LARS2: variants seen among roughly 807,000 people sequenced by gnomAD.
LARS2 encodes leucine--tRNA ligase, mitochondrial.
A neutral mutation model predicts 116.6 loss-of-function variants in LARS2; 81 were observed. The observed-to-expected ratio is 0.69, with a 90% CI of 0.58 to 0.84. LARS2 has a LOEUF of 0.84. Ranked by LOEUF, LARS2 falls within the 40% of genes least tolerant of loss-of-function variation. The probability of loss-of-function intolerance (pLI) is 0.00; values close to 1 mark genes in which losing one functional copy is unlikely to be tolerated. For missense variants in LARS2, 968 were observed against 1,114.5 expected (o/e 0.87, Z 1.87); for synonymous variants, 396 against 407.2 (o/e 0.97, Z 0.33).
intron 21 of LARS2, among the ~76,000 whole-genome samples, chr3:45,545,379 G>T (rs1700860832): frequency 6.6e-6 from 1 of 152,238 alleles, no homozygotes; most frequent in African/African-American, 2.4e-5. Context: ...AAAGATGGAG[G>T]TGCAAGAGCC....
intron 15 of LARS2, among the ~76,000 whole-genome samples, chr3:45,506,015 C>T (rs1048096999): frequency 3.3e-5 from 5 of 152,054 alleles, no homozygotes; most frequent in African/African-American, 7.2e-5. Context: ...TGCAGATCCT[C>T]CAGGTAACAC....
intron 3 of LARS2, among the ~76,000 whole-genome samples, chr3:45,397,746 A>G (rs1056607734): frequency 4.6e-5 from 7 of 152,252 alleles, no homozygotes; most frequent in African/African-American, 1.7e-4. Flanking sequence ...AGAATAAGCC[A>G]TAAGCCTAAT....
chr3:45,431,392 A>G (rs900585710), intron 6 of LARS2, among the ~76,000 whole-genome samples: 2 of 152,252 alleles, frequency 1.3e-5, no homozygotes, highest in African/African-American at 4.8e-5. Context: ...TATTCTTGCA[A>G]CTTTGGTTTG....
At chr3:45,437,977 A>C (rs190623378) in intron 6 of LARS2, among the ~76,000 whole-genome samples, 73 of 152,296 alleles carry the variant, frequency 4.8e-4, no homozygotes, top group Middle Eastern at 3.4e-3. Context: ...TATGGAAAGA[A>C]AAAAAGGTAG....
At chr3:45,466,525 G>A (rs2125714127) in intron 8 of LARS2, among the ~76,000 whole-genome samples, 1 of 152,240 alleles carries the variant, frequency 6.6e-6, no homozygotes, top group South Asian at 2.1e-4. Context: ...TGAATAAGGT[G>A]TTGCGTTATT....
In LARS2 at chr3:45,525,528, A is replaced by G. The variant is rs571924338; in HGVS notation, c.2404+1420A>G. Among the ~76,000 whole-genome samples, 5 of 152,332 alleles carry G rather than the reference A, an allele frequency of 3.3e-5. No individual in the cohort carries two copies. In the South Asian group the frequency reaches 1.0e-3, roughly 32 times the overall value. On this transcript the variant is annotated intron_variant, in intron 20 of 21. Coordinates refer to ENST00000645846, the MANE Select transcript of LARS2 (RefSeq NM_015340.4). ...CTGACTCTGAAGTTTCCTTTGGTTC[A>G]TTCTTTGCTGCTTGCAAGACTGAAT...
At chr3:45,466,629 G>GC (rs1699430249) in intron 8 of LARS2, among the ~76,000 whole-genome samples, 1 of 152,072 alleles carries the variant, frequency 6.6e-6, no homozygotes, top group Admixed American at 6.6e-5. Flanking sequence ...TGCTGACCCA[G>GC]CCCACATCTT....
intron 4 of LARS2, among the ~76,000 whole-genome samples, chr3:45,408,653 A>G (rs1363564512): frequency 6.6e-6 from 1 of 152,122 alleles, no homozygotes; most frequent in Admixed American, 6.6e-5. Flanking sequence ...ATCTAGTTCC[A>G]TCTGGGCAGT....
At chr3:45,446,007 G>A (rs533761083) in intron 6 of LARS2, among the ~76,000 whole-genome samples, 5 of 152,304 alleles carry the variant, frequency 3.3e-5, no homozygotes, top group East Asian at 3.9e-4. Context: ...CCAGGAGTTC[G>A]AGACTACAGT....
chr3:45,544,894 G>A (rs1004754975), intron 21 of LARS2, among the ~76,000 whole-genome samples: 3 of 152,132 alleles, frequency 2.0e-5, no homozygotes, highest in Admixed American at 6.5e-5. Context: ...ACAGAGACCC[G>A]GGCTGAGCCA....
At chr3:45,518,122 T>C in intron 18 of LARS2, 50 bp downstream of exon 18, 1 of 1,481,690 alleles carries the variant, frequency 6.7e-7, no homozygotes, top group Non-Finnish European at 9.2e-7. Context: ...AAGCACTCTT[T>C]GGGAACCTTT....
At chr3:45,496,008 C>T (rs556874935) in intron 13 of LARS2, among the ~76,000 whole-genome samples, 22 of 152,166 alleles carry the variant, frequency 1.4e-4, no homozygotes, top group Non-Finnish European at 2.2e-4. Context: ...TACAGGCACA[C>T]GCCACGACGC....
intron 10 of LARS2, among the ~76,000 whole-genome samples, chr3:45,480,378 A>T (rs1265248369): frequency 6.6e-6 from 1 of 152,246 alleles, no homozygotes; most frequent in Non-Finnish European, 1.5e-5. Context: ...GCCTTGGTGA[A>T]CACCAAATGT....
intron 10 of LARS2, among the ~76,000 whole-genome samples, chr3:45,484,315 TAAGTC>T (rs1413654866): frequency 6.6e-6 from 1 of 151,740 alleles, no homozygotes; most frequent in Admixed American, 6.6e-5. Flanking sequence ...TATTGTAAAT[TAAGTC>T]AAGTGAACTC....
Position 45,449,312 on chromosome 3 carries a change from G to A in LARS2, c.606+2332G>A, listed in dbSNP as rs575112039. Among the ~76,000 whole-genome samples the A allele has an allele frequency of 8.6e-5, 13 of 151,970 alleles. No individual in the cohort carries two copies. In the East Asian group the frequency reaches 2.1e-3, roughly 25 times the overall value. Reference sequence around the variant, plus strand: ...TGAGTAGCTGGGATTACAGGCATGCGCCACCACGCCCAGCTAATTTTTGTA... The same window carrying A: ...TGAGTAGCTGGGATTACAGGCATGCACCACCACGCCCAGCTAATTTTTGTA... On this transcript the variant is annotated intron_variant, in intron 7 of 21. Transcript: ENST00000645846.
chr3:45,500,744 G>T (rs368127870), intron 15 of LARS2, among the ~76,000 whole-genome samples, 165 bp downstream of exon 15: 1 of 152,162 alleles, frequency 6.6e-6, no homozygotes, highest in Non-Finnish European at 1.5e-5. Flanking sequence ...TTTATATTGC[G>T]TAGTCAGTTC....
At chr3:45,441,421 A>C (rs896952964) in intron 6 of LARS2, among the ~76,000 whole-genome samples, 3 of 152,206 alleles carry the variant, frequency 2.0e-5, no homozygotes, top group African/African-American at 4.8e-5. Context: ...ACCTCACAGC[A>C]ACCCTCTAAG....
At chr3:45,455,687 G>C (rs922232006) in intron 7 of LARS2, among the ~76,000 whole-genome samples, 2 of 152,082 alleles carry the variant, frequency 1.3e-5, no homozygotes, top group South Asian at 4.2e-4. Context: ...AGGGATATCT[G>C]TACACCCATG....
chr3:45,537,268 G>T lies in LARS2; in HGVS notation c.2405-4561G>T, dbSNP rs1231891489. 2.0e-5 allele frequency among the ~76,000 whole-genome samples: 3 copies of T among 152,082 alleles called. 1 individual carries two copies. In the South Asian group the frequency reaches 6.2e-4, roughly 32 times the overall value. On this transcript the variant is annotated intron_variant, in intron 20 of 21. Transcript: ENST00000645846. ...GAGAGCACAGTGAGAGAGCCTTTAC[G>T]TCCCTTAGGGATTCTGAAGGAATTC...
Sources: gnomAD v4.1 joint callset for allele counts (sites outside exome capture counted in the v4.1 genomes callset) on GRCh38, gnomAD v4.1.1 for gene constraint, MANE v1.5 for transcripts, NCBI Gene and HGNC (gene_info 2026-07-23, HGNC 2026-07-21) for gene names.